Variants in SLCO2A1 observed in about 807,000 individuals in gnomAD.
SLCO2A1 encodes matrin F/G 1.
In SLCO2A1, 60 loss-of-function variants were observed where a neutral mutation model predicts 71.7. The ratio of observed to expected loss-of-function variants is 0.84; its 90% CI spans 0.68 to 1.04. The LOEUF is 1.04. SLCO2A1 is among the 50% of genes least tolerant of loss of function. SLCO2A1 has a pLI of 0.00. For missense variants in SLCO2A1, 745 were observed against 813.4 expected (o/e 0.92, Z 1.02); for synonymous variants, 308 against 326.7 (o/e 0.94, Z 0.62).
chr3:133,949,071 T>C (rs2108042554), intron 6 of SLCO2A1, 100 bp from the exon 7 acceptor site: 1 of 1,014,846 alleles, frequency 9.9e-7, no homozygotes, highest in East Asian at 2.4e-5. Flanking sequence ...CAGGGCTGGG[T>C]GGAGGTGAGC....
chr3:133,964,334 A>T (rs552952405), intron 3 of SLCO2A1, among the ~76,000 whole-genome samples: 4 of 152,330 alleles, frequency 2.6e-5, no homozygotes, highest in African/African-American at 9.6e-5. Flanking sequence ...TTCTTATGAG[A>T]ATTAAAAATA....
intron 1 of SLCO2A1, among the ~76,000 whole-genome samples, chr3:133,994,443 G>C (rs926526419): frequency 1.9e-4 from 29 of 152,174 alleles, no homozygotes; most frequent in African/African-American, 6.5e-4. Context: ...CTCCAACAAT[G>C]GCTTTACCTA....
intron 10 of SLCO2A1, among the ~76,000 whole-genome samples, chr3:133,943,575 T>G (rs1446279927): frequency 1.3e-5 from 2 of 152,222 alleles, no homozygotes; most frequent in East Asian, 1.9e-4. Flanking sequence ...TCAGTCTGGA[T>G]TTTTTAGAGA....
At chr3:134,006,617 A>G (rs7431464) in intron 1 of SLCO2A1, among the ~76,000 whole-genome samples, 119,131 of 151,726 alleles carry the variant, frequency 0.79, 47,121 homozygotes, top group Non-Finnish European at 0.83. Flanking sequence ...GAGTAATGTC[A>G]TCAAGTTTCA....
chr3:133,942,467 C>T (rs1455781245), intron 11 of SLCO2A1, 138 bp downstream of exon 11: 3 of 901,450 alleles, frequency 3.3e-6, no homozygotes, highest in Non-Finnish European at 3.3e-6. Context: ...GCAAAAGAAC[C>T]TTGCACATTG....
Position 134,029,234 on chromosome 3 carries a change from G to A in SLCO2A1, c.96+473C>T, listed in dbSNP as rs138272333. ...TCCCTTAGGCCACCCACCCCAGGAC[G>A]AGGGGGCTCGGACGAGACACAGTCT... On this transcript the variant is annotated intron_variant, in intron 1 of 13. Transcript: ENST00000310926. Among the ~76,000 whole-genome samples, 100 of 152,288 alleles carry A rather than the reference G, an allele frequency of 6.6e-4. 1 individual carries two copies. The highest frequency in any genetic ancestry group is 2.2e-3 in the African/African-American group (90 of 41,584).
intron 3 of SLCO2A1, among the ~76,000 whole-genome samples, chr3:133,968,794 G>T (rs73861289): frequency 0.14 from 20,925 of 152,200 alleles, 1,526 homozygotes; most frequent in South Asian, 0.23. Flanking sequence ...AAACCTCTCC[G>T]CGCCTTCCAG....
chr3:134,009,544 C>T (rs1576457932), intron 1 of SLCO2A1, among the ~76,000 whole-genome samples: 1 of 152,332 alleles, frequency 6.6e-6, no homozygotes, highest in Admixed American at 6.5e-5. Context: ...GACTGGGTTT[C>T]CATTTATTCT....
chr3:133,983,081 T>C (rs544814104), intron 1 of SLCO2A1, among the ~76,000 whole-genome samples: 1 of 152,330 alleles, frequency 6.6e-6, no homozygotes, highest in Admixed American at 6.5e-5. Context: ...GTGGGTTCTG[T>C]GTTCTCTCCC....
At chr3:133,977,744 G>A (rs146389937) in intron 2 of SLCO2A1, among the ~76,000 whole-genome samples, 1 of 152,278 alleles carries the variant, frequency 6.6e-6, no homozygotes, top group Non-Finnish European at 1.5e-5. Context: ...TATCCATCAT[G>A]AGTGAGGACA....
At position 134,027,045 on chromosome 3, in the gene SLCO2A1, G is replaced by A. The variant is rs187585495; in HGVS notation, c.96+2662C>T. On this transcript the variant is annotated intron_variant, in intron 1 of 13. Coordinates refer to ENST00000310926, the MANE Select transcript of SLCO2A1 (RefSeq NM_005630.3). ...TCTTCAAATGATAAAAAGCTTCATC[G>A]CTACCTTAGTTCACCAAAAAGGTTC... Among the ~76,000 whole-genome samples the A allele has an allele frequency of 7.2e-5, 11 of 152,210 alleles. No homozygotes were observed. In the East Asian group the frequency reaches 1.7e-3, roughly 24 times the overall value.
chr3:133,973,624 A>G (rs1448696836), intron 3 of SLCO2A1, 39 bp downstream of exon 3: 1 of 1,607,878 alleles, frequency 6.2e-7, no homozygotes, highest in African/African-American at 1.3e-5. Context: ...ATGTTCACCC[A>G]TTCCTTACCC....
chr3:133,948,697 A>T lies in SLCO2A1; in HGVS notation c.944T>A (p.Phe315Tyr). 3 of 1,613,256 alleles carry T rather than the reference A, an allele frequency of 1.9e-6. No individual in the cohort carries two copies. In the South Asian group the frequency reaches 3.3e-5, roughly 18 times the overall value. Residue 315 changes from phenylalanine (F) to tyrosine (Y), a missense_variant, in exon 8 of 14, where the codon TTT (phenylalanine) becomes TAT (tyrosine). Phe to Tyr is a conservative substitution (Grantham distance 22). Coordinates refer to ENST00000310926, the MANE Select transcript of SLCO2A1 (RefSeq NM_005630.3). ...CAGGAGCCTCAGAAAGATGCATGGA[A>T]ACCCTGTGAACAGACCGCTGTCAAG... ...RGSLVDFIKRFPCIFLRLLMN... is the reference protein window; with the variant it reads ...RGSLVDFIKRYPCIFLRLLMN...
intron 2 of SLCO2A1, among the ~76,000 whole-genome samples, chr3:133,974,264 A>G (rs1934400765): frequency 6.6e-6 from 1 of 152,214 alleles, no homozygotes; most frequent in South Asian, 2.1e-4. Flanking sequence ...TTAGGTACAA[A>G]TTAAAGGACC....
chr3:134,010,219 G>A (rs1935304751), intron 1 of SLCO2A1, among the ~76,000 whole-genome samples: 1 of 152,162 alleles, frequency 6.6e-6, no homozygotes, highest in African/African-American at 2.4e-5. Context: ...TGGTGCTAAG[G>A]GTGGTGTATT....
At chr3:134,027,351 A>G (rs563510165) in intron 1 of SLCO2A1, among the ~76,000 whole-genome samples, 4 of 152,372 alleles carry the variant, frequency 2.6e-5, no homozygotes, top group South Asian at 4.1e-4. Flanking sequence ...TATGTTATCT[A>G]TAGATTACAG....
At chr3:134,002,879 T>C (rs1042722783) in intron 1 of SLCO2A1, among the ~76,000 whole-genome samples, 4 of 152,154 alleles carry the variant, frequency 2.6e-5, no homozygotes, top group African/African-American at 9.7e-5. Context: ...ATCTATTGCA[T>C]AAAACAGCGC....
intron 1 of SLCO2A1, among the ~76,000 whole-genome samples, chr3:134,009,635 G>A (rs1935290627): frequency 6.6e-6 from 1 of 152,242 alleles, no homozygotes; most frequent in South Asian, 2.1e-4. Context: ...CCATACAGCT[G>A]GAGTGTGCGT....
chr3:133,994,490 C>T (rs1322212955), intron 1 of SLCO2A1, among the ~76,000 whole-genome samples: 1 of 152,244 alleles, frequency 6.6e-6, no homozygotes, highest in Admixed American at 6.5e-5. Context: ...TGTGATGTCA[C>T]TTGCTGTCCC....
Sources: allele counts gnomAD v4.1 joint callset (sites outside exome capture counted in the v4.1 genomes callset), GRCh38; gene constraint gnomAD v4.1.1; transcripts MANE v1.5; gene names NCBI Gene and HGNC (gene_info 2026-07-23, HGNC 2026-07-21).